Variants in MAP3K20 observed in about 807,000 individuals in gnomAD.
The protein encoded by MAP3K20 is mitogen-activated protein kinase kinase kinase 20, also known as HCCS-4.
Under a neutral mutation model 85.7 loss-of-function variants are expected in MAP3K20, and 40 were observed. That is an observed-to-expected ratio of 0.47 (90% confidence interval 0.36 to 0.61). The LOEUF is 0.61. Ranked by LOEUF, MAP3K20 falls within the 20% of genes least tolerant of loss-of-function variation. The probability of loss-of-function intolerance (pLI) is 0.00; values close to 1 mark genes in which losing one functional copy is unlikely to be tolerated. For missense variants in MAP3K20, 817 were observed against 961.7 expected (o/e 0.85, Z 1.99); for synonymous variants, 325 against 327.7 (o/e 0.99, Z 0.09).
At chr2:173,129,018 GGTTCAAGCGATTGTCCTGC>G (rs1688530944) in intron 2 of MAP3K20, among the ~76,000 whole-genome samples, 1 of 148,992 alleles carries the variant, frequency 6.7e-6, no homozygotes, top group African/African-American at 2.5e-5. Flanking sequence ...CTGCCTCCTG[GGTTCAAGCGATTGTCCTGC>G]CTCAGCCTCC....
intron 10 of MAP3K20, among the ~76,000 whole-genome samples, chr2:173,213,299 T>C (rs1308050283): frequency 1.3e-5 from 2 of 152,176 alleles, no homozygotes; most frequent in Non-Finnish European, 2.9e-5. Flanking sequence ...TGAAGTATTT[T>C]AGTAAAAGGC....
intron 16 of MAP3K20, among the ~76,000 whole-genome samples, chr2:173,250,837 TG>T (rs1685026350): frequency 6.6e-6 from 1 of 152,172 alleles, no homozygotes; most frequent in Non-Finnish European, 1.5e-5. Context: ...ACAAATCTCA[TG>T]GGACAAAGCC....
chr2:173,221,255 A>T, intron 11 of MAP3K20: 1 of 1,614,052 alleles, frequency 6.2e-7, no homozygotes, highest in Non-Finnish European at 8.5e-7. Context: ...AGCAACAAGT[A>T]ACGGGGAGGG....
intron 7 of MAP3K20, among the ~76,000 whole-genome samples, chr2:173,192,780 C>T (rs547253409): frequency 1.3e-5 from 2 of 152,228 alleles, no homozygotes; most frequent in South Asian, 2.1e-4. Context: ...TATAACCAAA[C>T]GTTTATTTAC....
chr2:173,264,963 A>C (rs1387841732), intron 19 of MAP3K20, among the ~76,000 whole-genome samples: 2 of 152,238 alleles, frequency 1.3e-5, no homozygotes, highest in Non-Finnish European at 2.9e-5. Context: ...GAATATACTA[A>C]CACTACTGAA....
At chr2:173,128,921 CTTTTTTTTT>C (rs386391866) in intron 2 of MAP3K20, among the ~76,000 whole-genome samples, 22 of 116,092 alleles carry the variant, frequency 1.9e-4, no homozygotes, top group Non-Finnish European at 3.4e-4. Flanking sequence ...GAAATCTTTT[CTTTTTTTTT>C]TTTTTTTTTT....
At chr2:173,251,401 T>C (rs7591449) in intron 16 of MAP3K20, among the ~76,000 whole-genome samples, 46,151 of 152,068 alleles carry the variant, frequency 0.3, 9,360 homozygotes, top group East Asian at 0.6. Context: ...ACTTGAATTC[T>C]TATCCTACAA....
chr2:173,264,222 A>G (rs887478472), intron 19 of MAP3K20, among the ~76,000 whole-genome samples: 2 of 152,198 alleles, frequency 1.3e-5, no homozygotes, highest in African/African-American at 2.4e-5. Context: ...GAACAACTCT[A>G]AAGTCCTTAA....
chr2:173,155,753 T>G (rs1689450804), intron 2 of MAP3K20, among the ~76,000 whole-genome samples: 1 of 152,208 alleles, frequency 6.6e-6, no homozygotes, highest in African/African-American at 2.4e-5. Context: ...TTGGGATTAT[T>G]TGACCAAGGA....
chr2:173,121,512 A>C (rs186202699), intron 2 of MAP3K20, among the ~76,000 whole-genome samples: 4,704 of 151,810 alleles, frequency 0.031, 167 homozygotes, highest in African/African-American at 0.085. Flanking sequence ...TCAGCCTCCC[A>C]AGTAGCTGGG....
chr2:173,103,549 G>C (rs1687696012), intron 2 of MAP3K20, among the ~76,000 whole-genome samples: 1 of 152,182 alleles, frequency 6.6e-6, no homozygotes, highest in Admixed American at 6.5e-5. Flanking sequence ...TTCCAGGAAG[G>C]CCCTCTGTAT....
chr2:173,266,768 C>T lies in MAP3K20; in HGVS notation c.*18C>T. Reference sequence around the variant, plus strand: ...ACTTTTGATGAATTGAACTACATAGCTTTTCTAAGCAGGTTAAAAAAAAAA... The same window carrying T: ...ACTTTTGATGAATTGAACTACATAGTTTTTCTAAGCAGGTTAAAAAAAAAA... On this transcript the variant is annotated 3_prime_UTR_variant, in exon 20 of 20. Transcript: ENST00000375213. 2 of 1,167,502 alleles carry T rather than the reference C, an allele frequency of 1.7e-6. No homozygotes were observed. The highest frequency in any genetic ancestry group is 2.3e-6 in the Non-Finnish European group (2 of 874,624). The allele number at this position is 1,167,502 out of a possible 1,614,324, so 72.3% of individuals were successfully genotyped here.
At chr2:173,103,857 G>A (rs1327372496) in intron 2 of MAP3K20, among the ~76,000 whole-genome samples, 4 of 152,210 alleles carry the variant, frequency 2.6e-5, no homozygotes, top group South Asian at 4.1e-4. Flanking sequence ...GTGCATACTT[G>A]ACACTAGGAA....
At chr2:173,090,953 C>T in intron 1 of MAP3K20, 45 bp from the exon 2 acceptor site, 1 of 1,527,442 alleles carries the variant, frequency 6.5e-7, no homozygotes, top group Non-Finnish European at 8.8e-7. Context: ...AGGATTTAGC[C>T]TAATATATTT....
Position 173,266,804 on chromosome 2 carries a change from A to C in MAP3K20, c.*54A>C. The C allele has an allele frequency of 8.2e-7, 1 of 1,220,410 alleles. No individual in the cohort carries two copies. The allele number at this position is 1,220,410 out of a possible 1,614,324, so 75.6% of individuals were successfully genotyped here. A position where few individuals can be genotyped will look rare whatever the true frequency, so the allele number is the denominator to read the frequency against. ...AGGTTAAAAAAAAAAAAAAAAAGAA[A>C]TGTAATGGTTTTTGATAATATGATC... On this transcript the variant is annotated 3_prime_UTR_variant, in exon 20 of 20. Coordinates refer to ENST00000375213, the MANE Select transcript of MAP3K20 (RefSeq NM_016653.3).
chr2:173,245,856 C>T (rs1684900393), intron 16 of MAP3K20, among the ~76,000 whole-genome samples: 1 of 152,152 alleles, frequency 6.6e-6, no homozygotes, highest in African/African-American at 2.4e-5. Flanking sequence ...CGCTTAAACC[C>T]AGGAGGCAAG....
intron 11 of MAP3K20, among the ~76,000 whole-genome samples, chr2:173,228,939 T>C (rs1317362184): frequency 6.6e-6 from 1 of 152,262 alleles, no homozygotes; most frequent in African/African-American, 2.4e-5. Flanking sequence ...CTAATAGCTG[T>C]ACCAAACTCT....
chr2:173,266,183 T>C lies in MAP3K20; in HGVS notation c.1836T>C (p.Ala612=). 6.2e-7 allele frequency: 1 copy of C among 1,614,110 alleles called. No individual in the cohort carries two copies. Among genetic ancestry groups the C allele is most frequent in the Non-Finnish European group, 8.5e-7 (1 of 1,180,012 alleles). ...ACTTTGATGGCCAGGATTCCTACGCTGCTGCTGTGAGACGGCCCCAGGTGC... is the reference window on the plus strand; with the variant it reads ...ACTTTGATGGCCAGGATTCCTACGCCGCTGCTGTGAGACGGCCCCAGGTGC... ...FSHFDGQDSY[A]AAVRRPQVPI... The change falls in exon 20 of 20, where the codon GCT becomes GCC. Residue 612 remains alanine (A), a synonymous_variant. Coordinates refer to ENST00000375213, the MANE Select transcript of MAP3K20 (RefSeq NM_016653.3).
rs1403972843 is a variant in MAP3K20, at chr2:173,191,190, C to G, written c.582+13C>G. The G allele has an allele frequency of 6.2e-7, 1 of 1,610,662 alleles. No individual in the cohort carries two copies. The highest frequency in any genetic ancestry group is 1.1e-5 in the South Asian group (1 of 90,036). On this transcript the variant is annotated intron_variant, in intron 7 of 19. Coordinates refer to ENST00000375213, the MANE Select transcript of MAP3K20 (RefSeq NM_016653.3). ...TTCCTATGGTGTGGTGAGTTCATTT[C>G]TCATTTCTTGTTTACTAAGGGAAAT... is the stretch of plus-strand genomic sequence containing the variant.
Sources: allele counts gnomAD v4.1 joint callset (sites outside exome capture counted in the v4.1 genomes callset), GRCh38; gene constraint gnomAD v4.1.1; transcripts MANE v1.5; gene names NCBI Gene and HGNC (gene_info 2026-07-23, HGNC 2026-07-21).